The following LPP variants were observed in gnomAD, a reference collection of about 807,000 sequenced individuals.
LPP encodes the protein lipoma-preferred partner.
LPP carries 38 observed loss-of-function variants against 60.4 expected under a neutral mutation model. The ratio of observed to expected loss-of-function variants is 0.63; its 90% CI spans 0.49 to 0.83. LPP has a LOEUF of 0.83. LPP is among the 40% of genes least tolerant of loss of function. LPP has a pLI of 0.00. For missense variants in LPP, 902 were observed against 783.6 expected, an observed-to-expected ratio of 1.15 and a Z score of -1.80; for synonymous variants, 328 against 290.8, an observed-to-expected ratio of 1.13 and a Z score of -1.30.
intron 2 of LPP, among the ~76,000 whole-genome samples, chr3:188,319,203 A>G (rs1231990296): frequency 1.3e-5 from 2 of 152,220 alleles, no homozygotes; most frequent in African/African-American, 4.8e-5. Flanking sequence ...CTTCTCAGGA[A>G]CACACACTGG....
intron 9 of LPP, among the ~76,000 whole-genome samples, chr3:188,798,606 G>A (rs6782774): frequency 0.63 from 96,316 of 152,044 alleles, 30,958 homozygotes; most frequent in East Asian, 0.91. Context: ...GTTCTTTTAT[G>A]TACCTCTTAT....
intron 9 of LPP, among the ~76,000 whole-genome samples, chr3:188,817,131 A>G (rs1752679800): frequency 6.6e-6 from 1 of 152,212 alleles, no homozygotes; most frequent in African/African-American, 2.4e-5. Context: ...ACAGAAGCCA[A>G]CATGGTTATC....
At chr3:188,764,681 A>G (rs1383361882) in intron 9 of LPP, among the ~76,000 whole-genome samples, 1 of 152,220 alleles carries the variant, frequency 6.6e-6, no homozygotes, top group Non-Finnish European at 1.5e-5. Context: ...TTTTAGAAAA[A>G]GAATTGCTGT....
chr3:188,159,210 T>C (rs73190728), intron 1 of LPP, among the ~76,000 whole-genome samples: 4,037 of 152,318 alleles, frequency 0.027, 69 homozygotes, highest in Middle Eastern at 0.075. Flanking sequence ...CGGTGCTATA[T>C]GTTCTCTGGT....
intron 4 of LPP, among the ~76,000 whole-genome samples, chr3:188,423,548 T>C (rs548444315): frequency 2.0e-5 from 3 of 152,200 alleles, no homozygotes; most frequent in Non-Finnish European, 4.4e-5. Flanking sequence ...TTGAACTAAT[T>C]TACACTCCCA....
chr3:188,647,751 C>T (rs1851377332), intron 7 of LPP, among the ~76,000 whole-genome samples: 1 of 152,186 alleles, frequency 6.6e-6, no homozygotes, highest in Non-Finnish European at 1.5e-5. Flanking sequence ...GAGTCACTGC[C>T]GGTCATTTCT....
chr3:188,755,869 A>G (rs564658777), intron 8 of LPP, among the ~76,000 whole-genome samples: 27,161 of 130,928 alleles, frequency 0.21, 3,597 homozygotes, highest in Middle Eastern at 0.45. Flanking sequence ...AAAAAAACAA[A>G]GAAAAGAAAA....
At chr3:188,436,648 CA>C (rs1176956628) in intron 4 of LPP, among the ~76,000 whole-genome samples, 3 of 151,800 alleles carry the variant, frequency 2.0e-5, no homozygotes, top group Non-Finnish European at 2.9e-5. Flanking sequence ...TGCAAAAGGC[CA>C]AAAAGGGCTT....
intron 6 of LPP, among the ~76,000 whole-genome samples, chr3:188,608,741 T>A (rs966730430): frequency 6.6e-6 from 1 of 152,324 alleles, no homozygotes; most frequent in South Asian, 2.1e-4. Flanking sequence ...TCTCACTGCA[T>A]CTATAGATAA....
Position 188,806,962 on chromosome 3 carries a change from CT to C in LPP, c.1410+46685del, listed in dbSNP as rs1014058468. Among the ~76,000 whole-genome samples, 53 of 151,930 alleles carry C rather than the reference CT, an allele frequency of 3.5e-4. 1 individual carries two copies. Among genetic ancestry groups the C allele is most frequent in the African/African-American group, 1.3e-3 (52 of 41,514 alleles). ...TAATGAGAAAGCTAATTCATTTCTGCTTTTTCAGCACTTTATTTTTTTGTAT... is the reference window on the plus strand; with the variant it reads ...TAATGAGAAAGCTAATTCATTTCTGCTTTTCAGCACTTTATTTTTTTGTAT... On this transcript the variant is annotated intron_variant, in intron 9 of 11. Coordinates refer to ENST00000617246, the MANE Select transcript of LPP (RefSeq NM_001375462.1).
At position 188,886,058 on chromosome 3, in the gene LPP, A is replaced by C. The variant is rs1331839465; in HGVS notation, c.*11579A>C. The C allele has an allele frequency of 6.6e-6, 1 of 151,842 alleles. No individual in the cohort carries two copies. The highest frequency in any genetic ancestry group is 1.5e-5 in the Non-Finnish European group (1 of 68,010). 9.4% of individuals were successfully genotyped at this position (151,842 alleles called of 1,614,324 possible). The stretch of plus-strand genomic sequence containing the variant: ...CAGTAAACTATCTCAAGGACAAAAA[A>C]CCAAACACCACATGTTCTCACTCAC... On this transcript the variant is annotated 3_prime_UTR_variant, in exon 12 of 12. Transcript: ENST00000617246.
chr3:188,643,032 G>T (rs1304325846), intron 7 of LPP, among the ~76,000 whole-genome samples: 5 of 151,572 alleles, frequency 3.3e-5, no homozygotes, highest in African/African-American at 9.8e-5. Context: ...GAAATATTTT[G>T]CTCTAGCCTG....
intron 8 of LPP, among the ~76,000 whole-genome samples, chr3:188,727,613 G>A (rs534532442): frequency 6.6e-6 from 1 of 152,230 alleles, no homozygotes; most frequent in African/African-American, 2.4e-5. Flanking sequence ...TTGAAAGACA[G>A]GGACACTTAT....
intron 4 of LPP, among the ~76,000 whole-genome samples, chr3:188,421,867 C>G (rs185814994): frequency 9.9e-5 from 15 of 152,226 alleles, no homozygotes; most frequent in Admixed American, 8.5e-4. Flanking sequence ...ATTTTTAAAG[C>G]CTGGCCGTGA....
intron 2 of LPP, among the ~76,000 whole-genome samples, chr3:188,262,145 C>T (rs978002265): frequency 1.3e-5 from 2 of 152,068 alleles, no homozygotes; most frequent in African/African-American, 2.4e-5. Flanking sequence ...GTATATACCC[C>T]GAAGGGGTTT....
chr3:188,355,296 C>T (rs549124938), intron 3 of LPP, among the ~76,000 whole-genome samples: 36 of 152,240 alleles, frequency 2.4e-4, no homozygotes, highest in African/African-American at 7.7e-4. Flanking sequence ...CGTGAGCCAC[C>T]GCGCCTGGCT....
At chr3:188,703,801 A>G (rs1405649872) in intron 7 of LPP, among the ~76,000 whole-genome samples, 1 of 152,218 alleles carries the variant, frequency 6.6e-6, no homozygotes, top group East Asian at 1.9e-4. Flanking sequence ...AATATTGACA[A>G]GGTAAGTACT....
chr3:188,295,083 G>A (rs114599028), intron 2 of LPP, among the ~76,000 whole-genome samples: 6 of 152,332 alleles, frequency 3.9e-5, no homozygotes, highest in Non-Finnish European at 7.3e-5. Context: ...GCCGGTGGAC[G>A]TGTGTAGAGG....
chr3:188,609,995 GGAGAGA>G lies in LPP; in HGVS notation c.1113+156_1113+161del. On this transcript the variant is annotated intron_variant, in intron 7 of 11. Transcript: ENST00000617246. This position sits in a 1 kb window ranked among gnomAD's most constrained non-coding sequence, Gnocchi z 6.9. ...AGGGAAGGATGAGTGAAGCCAGAGAGGAGAGAGAGACTACTTAGTATGTTACTAATA... is the reference window on the plus strand; with the variant it reads ...AGGGAAGGATGAGTGAAGCCAGAGAGGAGACTACTTAGTATGTTACTAATA... The G allele has an allele frequency of 1.3e-6, 1 of 740,828 alleles. No individual in the cohort carries two copies. The highest frequency in any genetic ancestry group is 2.2e-6 in the Non-Finnish European group (1 of 463,552). 45.9% of individuals were successfully genotyped at this position (740,828 alleles called of 1,614,324 possible).
Sources: gnomAD v4.1 joint callset for allele counts (sites outside exome capture counted in the v4.1 genomes callset) on GRCh38, gnomAD v4.1.1 for gene constraint, Gnocchi (gnomAD v3.1) non-coding constraint, MANE v1.5 for transcripts, NCBI Gene and HGNC (gene_info 2026-07-23, HGNC 2026-07-21) for gene names.